ADAMTS12: variants seen among roughly 807,000 people sequenced by gnomAD.
ADAMTS12 encodes ADAM metallopeptidase with thrombospondin type 1 motif 12, also known as A disintegrin and metalloproteinase with thrombospondin motifs 12.
In ADAMTS12, 118 loss-of-function variants were observed where a neutral mutation model predicts 167.8. That is an observed-to-expected ratio of 0.70 (90% CI 0.61 to 0.82). The LOEUF is 0.82. ADAMTS12 is among the 40% of genes least tolerant of loss of function. ADAMTS12 has a pLI of 0.00. For synonymous variants in ADAMTS12, 704 were observed against 716.9 expected (o/e 0.98, Z 0.29); for missense variants, 1,916 against 1,998.8 (o/e 0.96, Z 0.79).
intron 23 of ADAMTS12, 151 bp downstream of exon 23, chr5:33,534,682 A>AG: frequency 1.0e-6 from 1 of 1,003,490 alleles, no homozygotes; most frequent in Non-Finnish European, 1.4e-6. Flanking sequence ...TCACCAGATC[A>AG]GATAGTTTGT....
chr5:33,680,616 T>A (rs977357025), intron 5 of ADAMTS12, among the ~76,000 whole-genome samples: 4 of 152,142 alleles, frequency 2.6e-5, no homozygotes, highest in Admixed American at 6.6e-5. Context: ...CTCCAAGGTA[T>A]CAAAGCATGC....
intron 19 of ADAMTS12, among the ~76,000 whole-genome samples, chr5:33,568,077 A>G (rs542712114): frequency 6.6e-6 from 1 of 152,340 alleles, no homozygotes; most frequent in East Asian, 1.9e-4. Context: ...GCTCATTAGC[A>G]TAAAATCATG....
chr5:33,567,112 T>A (rs994700017), intron 19 of ADAMTS12, among the ~76,000 whole-genome samples: 17 of 152,328 alleles, frequency 1.1e-4, no homozygotes, highest in Non-Finnish European at 2.5e-4. Flanking sequence ...AAGCCTAGCC[T>A]TCCTAATGTG....
intron 2 of ADAMTS12, among the ~76,000 whole-genome samples, chr5:33,817,926 T>C (rs1272196448): frequency 6.6e-6 from 1 of 152,164 alleles, no homozygotes; most frequent in Non-Finnish European, 1.5e-5. Context: ...ATCCTTTTCA[T>C]ATAAATAGAG....
At chr5:33,724,802 C>T (rs1361119161) in intron 3 of ADAMTS12, among the ~76,000 whole-genome samples, 2 of 152,132 alleles carry the variant, frequency 1.3e-5, no homozygotes, top group African/African-American at 2.4e-5. Flanking sequence ...CCACCCGCCT[C>T]GGCCTCCCAA....
intron 3 of ADAMTS12, among the ~76,000 whole-genome samples, chr5:33,698,171 C>A (rs965465535): frequency 4.6e-5 from 7 of 152,166 alleles, no homozygotes; most frequent in Non-Finnish European, 7.4e-5. Context: ...CCAAACTGCC[C>A]AATTCTAAGT....
At chr5:33,865,687 T>A (rs576520111) in intron 2 of ADAMTS12, among the ~76,000 whole-genome samples, 99 of 152,290 alleles carry the variant, frequency 6.5e-4, no homozygotes, top group Admixed American at 1.6e-3. Flanking sequence ...TGTTCACTGA[T>A]GATATGACTG....
intron 22 of ADAMTS12, among the ~76,000 whole-genome samples, chr5:33,542,081 T>C (rs1416577165): frequency 6.6e-6 from 1 of 151,984 alleles, no homozygotes; most frequent in Non-Finnish European, 1.5e-5. Context: ...GGTGTGTATA[T>C]TCAGGAGACC....
At chr5:33,848,123 A>G (rs1028156900) in intron 2 of ADAMTS12, among the ~76,000 whole-genome samples, 17 of 152,194 alleles carry the variant, frequency 1.1e-4, no homozygotes, top group African/African-American at 4.1e-4. Context: ...AGGCTGAGGC[A>G]GGAGAGTCGC....
chr5:33,826,631 CAT>C (rs989030733), intron 2 of ADAMTS12, among the ~76,000 whole-genome samples: 9 of 151,266 alleles, frequency 5.9e-5, no homozygotes, highest in African/African-American at 9.7e-5. Context: ...TCTTTGAAAA[CAT>C]AGAAATATTC....
At chr5:33,694,669 G>A (rs4866368) in intron 3 of ADAMTS12, among the ~76,000 whole-genome samples, 34,145 of 152,094 alleles carry the variant, frequency 0.22, 4,009 homozygotes, top group East Asian at 0.42. Context: ...AGAAGTCCGG[G>A]CCAATATGGT....
At chr5:33,765,614 A>G (rs1745505151) in intron 2 of ADAMTS12, among the ~76,000 whole-genome samples, 1 of 152,212 alleles carries the variant, frequency 6.6e-6, no homozygotes, top group African/African-American at 2.4e-5. Context: ...GCTGGAAGCA[A>G]ATGACAGCCT....
chr5:33,619,704 A>T lies in ADAMTS12; in HGVS notation c.2144-3632T>A, dbSNP rs187713523. ...GTATGTATATATTTATTTATTTATT[A>T]ATTTTTTTTGAGATGGAGTCTCGCT... On this transcript the variant is annotated intron_variant, in intron 14 of 23. Transcript: ENST00000504830. Among the ~76,000 whole-genome samples, 1,372 of 151,992 alleles carry T rather than the reference A, an allele frequency of 9.0e-3. 14 individuals are homozygous for T. The highest frequency in any genetic ancestry group is 0.024 in the African/African-American group (1,013 of 41,462).
intron 1 of ADAMTS12, among the ~76,000 whole-genome samples, chr5:33,882,638 C>G (rs569999906): frequency 2.4e-4 from 37 of 152,250 alleles, no homozygotes; most frequent in Non-Finnish European, 5.0e-4. Flanking sequence ...GTTGCCCAGG[C>G]TGGAGTGCAA....
intron 2 of ADAMTS12, among the ~76,000 whole-genome samples, chr5:33,763,647 T>C (rs779949494): frequency 2.6e-5 from 4 of 152,190 alleles, no homozygotes; most frequent in African/African-American, 7.2e-5. Flanking sequence ...TCCATGACAT[T>C]AGGGCATTGG....
chr5:33,648,692 C>A, intron 9 of ADAMTS12, 130 bp downstream of exon 9: 8 of 1,173,240 alleles, frequency 6.8e-6, no homozygotes, highest in Admixed American at 2.4e-5. Flanking sequence ...TACAGACACA[C>A]CTTGCCTTAA....
At chr5:33,794,164 G>T (rs1746683405) in intron 2 of ADAMTS12, among the ~76,000 whole-genome samples, 1 of 152,126 alleles carries the variant, frequency 6.6e-6, no homozygotes, top group South Asian at 2.1e-4. Context: ...AGTAAAGTCG[G>T]AAACTTCTCC....
Position 33,881,145 on chromosome 5 carries a change from C to T in ADAMTS12, c.463G>A (p.Ala155Thr). 2.5e-6 allele frequency: 4 copies of T among 1,613,788 alleles called. No individual in the cohort carries two copies. The highest frequency in any genetic ancestry group is 3.4e-6 in the Non-Finnish European group (4 of 1,179,996). The change falls in exon 2 of 24, where the codon GCA (alanine) becomes ACA (threonine). Residue 155 changes from alanine to threonine, a missense_variant. By Grantham distance (58) the Ala-to-Thr change is moderately conservative (BLOSUM62 0). Transcript: ENST00000504830. ...VLQQGTRVGT[A>T]ALSACHGLTG... ...AGTCCATGGCAGGCACTGAGGGCTG[C>T]CGTCCCAACTCTGGTGCCCTGCTGT...
intron 16 of ADAMTS12, among the ~76,000 whole-genome samples, chr5:33,607,161 T>C (rs1339801943): frequency 6.6e-6 from 1 of 152,176 alleles, no homozygotes; most frequent in African/African-American, 2.4e-5. Context: ...CAGAAAGGCA[T>C]ACATATCTCT....
Sources: allele counts gnomAD v4.1 joint callset (sites outside exome capture counted in the v4.1 genomes callset), GRCh38; gene constraint gnomAD v4.1.1; transcripts MANE v1.5; gene names NCBI Gene and HGNC (gene_info 2026-07-23, HGNC 2026-07-21).